The following FAT3 variants were observed in gnomAD, a reference collection of about 807,000 sequenced individuals.
The protein encoded by FAT3 is protocadherin Fat 3.
In FAT3, 95 loss-of-function variants were observed where a neutral mutation model predicts 310.2. That is an observed-to-expected ratio of 0.31 (90% CI 0.26 to 0.36). FAT3 has a LOEUF of 0.36. Ranked by LOEUF, FAT3 falls within the 10% of genes least tolerant of loss-of-function variation. FAT3 has a pLI of 1.00. For synonymous variants in FAT3, 2,314 were observed against 2,192.9 expected, an observed-to-expected ratio of 1.06 and a Z score of -1.54; for missense variants, 5,408 against 5,715.6, an observed-to-expected ratio of 0.95 and a Z score of 1.74.
chr11:92,533,250 A>T (rs951596821), intron 3 of FAT3, among the ~76,000 whole-genome samples: 17 of 151,706 alleles, frequency 1.1e-4, no homozygotes, highest in Non-Finnish European at 2.2e-4. Context: ...CTATTATTGA[A>T]CTCCTGGCTT....
chr11:92,584,529 A>C (rs1234629325), intron 3 of FAT3, among the ~76,000 whole-genome samples: 1 of 151,896 alleles, frequency 6.6e-6, no homozygotes, highest in Non-Finnish European at 1.5e-5. Context: ...CATTCATACA[A>C]CCAAAGATGA....
Position 92,410,352 on chromosome 11 carries a change from G to T in FAT3, c.3292+54948G>T, listed in dbSNP as rs570884971. ...CGCGAGTGAGAGAGACGGAGAGAGAGAGAGAGACCATAAAAATAAAATTCA... is the reference window on the plus strand; with the variant it reads ...CGCGAGTGAGAGAGACGGAGAGAGATAGAGAGACCATAAAAATAAAATTCA... On this transcript the variant is annotated intron_variant, in intron 2 of 27. Transcript: ENST00000525166. Among the ~76,000 whole-genome samples, 15 of 152,194 alleles carry T rather than the reference G, an allele frequency of 9.9e-5. 1 individual carries two copies. The South Asian group carries it at 2.7e-3, about 27-fold the overall frequency.
In FAT3 at chr11:92,353,481, C is replaced by T; in HGVS notation, c.1369C>T (p.Gln457Ter). The change falls in exon 2 of 28, where the codon CAG (glutamine) becomes TAG (stop). Residue 457 changes from glutamine to a stop codon, truncating the protein, a stop_gained. Coordinates refer to ENST00000525166, the MANE Select transcript of FAT3 (RefSeq NM_001367949.2). LOFTEE classifies it high-confidence loss of function. Reference sequence around the variant, plus strand: ...AAACAAGGAAGGAGATTTAAAAGCACAGGTCACCATCAGCATAGAAGATGC... The same window carrying T: ...AAACAAGGAAGGAGATTTAAAAGCATAGGTCACCATCAGCATAGAAGATGC... The part of the protein sequence containing the change: ...VTNKEGDLKA[Q>*]VTISIEDAND... 6.2e-7 allele frequency: 1 copy of T among 1,613,458 alleles called. No homozygotes were observed. The highest frequency in any genetic ancestry group is 8.5e-7 in the Non-Finnish European group (1 of 1,179,694).
chr11:92,641,868 G>A (rs1343609753), intron 3 of FAT3, among the ~76,000 whole-genome samples: 1 of 152,172 alleles, frequency 6.6e-6, no homozygotes, highest in African/African-American at 2.4e-5. Context: ...TAAAACTCAA[G>A]CAAACAAAAA....
intron 3 of FAT3, among the ~76,000 whole-genome samples, chr11:92,643,389 C>T (rs1354909896): frequency 6.6e-6 from 1 of 152,200 alleles, no homozygotes; most frequent in East Asian, 1.9e-4. Flanking sequence ...AAACCCTCAT[C>T]AGCCAGTGCA....
intron 3 of FAT3, among the ~76,000 whole-genome samples, chr11:92,645,525 A>T (rs1029249860): frequency 2.7e-5 from 4 of 149,166 alleles, no homozygotes; most frequent in East Asian, 3.9e-4. Flanking sequence ...TCTTTTCATT[A>T]TACCCATTTG....
At chr11:92,688,318 G>A (rs914804271) in intron 3 of FAT3, among the ~76,000 whole-genome samples, 1 of 152,264 alleles carries the variant, frequency 6.6e-6, no homozygotes, top group Admixed American at 6.5e-5. Flanking sequence ...TGACATACGG[G>A]AGGCTGTTCC....
intron 2 of FAT3, among the ~76,000 whole-genome samples, chr11:92,393,128 G>T (rs1949785236): frequency 6.6e-6 from 1 of 152,118 alleles, no homozygotes; most frequent in Non-Finnish European, 1.5e-5. Context: ...TAATTCTCTA[G>T]CTGCTATTTC....
intron 2 of FAT3, among the ~76,000 whole-genome samples, chr11:92,483,718 G>A (rs1952298456): frequency 9.4e-6 from 1 of 106,766 alleles, no homozygotes; most frequent in South Asian, 3.4e-4. Context: ...ATGCGTGTAA[G>A]GTACAAACTC....
intron 1 of FAT3, among the ~76,000 whole-genome samples, chr11:92,254,815 C>T (rs1865254011): frequency 6.6e-6 from 1 of 152,096 alleles, no homozygotes; most frequent in Admixed American, 6.6e-5. Context: ...AAGAGTTTCT[C>T]CTGCCTCAGC....
intron 22 of FAT3, among the ~76,000 whole-genome samples, chr11:92,877,902 T>C (rs1380385609): frequency 6.6e-6 from 1 of 152,194 alleles, no homozygotes; most frequent in Non-Finnish European, 1.5e-5. Flanking sequence ...AAAATGCATC[T>C]AATACACCTA....
At chr11:92,391,908 T>G (rs1326312452) in intron 2 of FAT3, among the ~76,000 whole-genome samples, 1 of 152,200 alleles carries the variant, frequency 6.6e-6, no homozygotes, top group Non-Finnish European at 1.5e-5. Context: ...AGGACCAGTG[T>G]CCTTGTGCTC....
intron 2 of FAT3, among the ~76,000 whole-genome samples, chr11:92,518,599 A>G (rs573232168): frequency 3.9e-5 from 6 of 152,130 alleles, no homozygotes; most frequent in African/African-American, 1.4e-4. Context: ...ACCATGGCAC[A>G]TGTATACCTA....
In FAT3 at chr11:92,798,234, A is replaced by G. The variant is rs1353262602; in HGVS notation, c.5221A>G (p.Ile1741Val). The stretch of plus-strand genomic sequence containing the variant: ...GCGCACATCCTCTTATCAACTCATC[A>G]TTCAGGCCACCAATATGGCAGGAAT... Reference protein sequence around the residue: ...YERTSSYQLIIQATNMAGMAS... With the variant: ...YERTSSYQLIVQATNMAGMAS... The change falls in exon 10 of 28, where the codon ATT (isoleucine) becomes GTT (valine). Residue 1741 changes from isoleucine (I) to valine (V), a missense_variant. Coordinates refer to ENST00000525166, the MANE Select transcript of FAT3 (RefSeq NM_001367949.2). The G allele has an allele frequency of 1.2e-6, 2 of 1,613,822 alleles. No homozygotes were observed. The highest frequency in any genetic ancestry group is 2.7e-5 in the African/African-American group (2 of 74,912).
chr11:92,852,233 A>T (rs1948851374), intron 19 of FAT3, among the ~76,000 whole-genome samples: 1 of 152,226 alleles, frequency 6.6e-6, no homozygotes. Context: ...ATAGAGAGGA[A>T]AGAACTGCAA....
intron 1 of FAT3, among the ~76,000 whole-genome samples, chr11:92,296,031 A>C (rs1946838051): frequency 6.6e-6 from 1 of 152,072 alleles, no homozygotes; most frequent in South Asian, 2.1e-4. Flanking sequence ...CTAAGACTAG[A>C]GGGAGGAGGC....
chr11:92,280,462 T>C (rs747281647), intron 1 of FAT3, among the ~76,000 whole-genome samples: 4 of 152,222 alleles, frequency 2.6e-5, no homozygotes, highest in Non-Finnish European at 5.9e-5. Context: ...AAAACACATA[T>C]GTATTCCTTT....
At chr11:92,542,521 T>C (rs947795875) in intron 3 of FAT3, among the ~76,000 whole-genome samples, 3 of 150,822 alleles carry the variant, frequency 2.0e-5, no homozygotes. Flanking sequence ...GATTAGAAAA[T>C]GGACAAAAGA....
chr11:92,511,522 A>G (rs1384212296), intron 2 of FAT3, among the ~76,000 whole-genome samples: 1 of 152,168 alleles, frequency 6.6e-6, no homozygotes, highest in Non-Finnish European at 1.5e-5. Flanking sequence ...CCAAATTTCT[A>G]GCCACCATCA....
Sources: allele counts gnomAD v4.1 joint callset (sites outside exome capture counted in the v4.1 genomes callset), GRCh38; gene constraint gnomAD v4.1.1; transcripts MANE v1.5; gene names NCBI Gene and HGNC (gene_info 2026-07-23, HGNC 2026-07-21).